PHC3: variants seen among roughly 807,000 people sequenced by gnomAD.
PHC3 encodes polyhomeotic homolog 3.
A neutral mutation model predicts 107.4 loss-of-function variants in PHC3; 13 were observed. The ratio of observed to expected loss-of-function variants is 0.12; its 90% CI spans 0.08 to 0.19. The LOEUF (loss-of-function observed/expected upper bound fraction) is 0.19. Ranked by LOEUF, PHC3 falls within the 10% of genes least tolerant of loss-of-function variation. The probability of loss-of-function intolerance (pLI) is 1.00; values close to 1 mark genes in which losing one functional copy is unlikely to be tolerated. For synonymous variants in PHC3, 456 were observed against 427.4 expected (o/e 1.07, Z -0.83); for missense variants, 992 against 1,210.9 (o/e 0.82, Z 2.68).
At chr3:170,162,285 C>G (rs923231914) in intron 4 of PHC3, among the ~76,000 whole-genome samples, 1 of 152,156 alleles carries the variant, frequency 6.6e-6, no homozygotes, top group African/African-American at 2.4e-5. Flanking sequence ...CCCACATGAA[C>G]TCCAAACTCA....
rs1316510738 is a variant in PHC3 at position 170,088,992 on chromosome 3, C to G, written c.*8238G>C. 6.6e-6 allele frequency: 1 copy of G among 152,116 alleles called. No individual in the cohort carries two copies. Among genetic ancestry groups the G allele is most frequent in the Non-Finnish European group, 1.5e-5 (1 of 68,048 alleles). 9.4% of individuals were successfully genotyped at this position (152,116 alleles called of 1,614,324 possible). ...TCCAGCCTGGCCAACATGGTGAAACCCCATCTCTACTAAAAATACAAAAAA... is the reference window on the plus strand; with the variant it reads ...TCCAGCCTGGCCAACATGGTGAAACGCCATCTCTACTAAAAATACAAAAAA... On this transcript the variant is annotated 3_prime_UTR_variant, in exon 15 of 15. Coordinates refer to ENST00000495893, the MANE Select transcript of PHC3 (RefSeq NM_024947.4).
At chr3:170,113,969 C>A (rs746496816) in intron 10 of PHC3, among the ~76,000 whole-genome samples, 1 of 151,908 alleles carries the variant, frequency 6.6e-6, no homozygotes, top group Admixed American at 6.6e-5. Flanking sequence ...TTAAGCAATT[C>A]TCTCTCAAGT....
Position 170,122,572 on chromosome 3 carries a change from A to C in PHC3, c.1942+19T>G. Reference sequence around the variant, plus strand: ...TTTATCAAATAGAAAAATTCCCACAAATTTTGGTATTTTCTCACCTAACAA... The same window carrying C: ...TTTATCAAATAGAAAAATTCCCACACATTTTGGTATTTTCTCACCTAACAA... On this transcript the variant is annotated intron_variant, in intron 9 of 14. Coordinates refer to ENST00000495893, the MANE Select transcript of PHC3 (RefSeq NM_024947.4). 1 of 1,611,776 alleles carries C rather than the reference A, an allele frequency of 6.2e-7. No individual in the cohort carries two copies. Among genetic ancestry groups the C allele is most frequent in the South Asian group, 1.1e-5 (1 of 90,998 alleles).
chr3:170,097,116 G>C lies in PHC3; in HGVS notation c.*114C>G, dbSNP rs983404399. The C allele has an allele frequency of 4.8e-5, 45 of 930,208 alleles. No individual in the cohort carries two copies. Among genetic ancestry groups the C allele is most frequent in the Non-Finnish European group, 6.7e-5 (44 of 652,446 alleles). The allele number at this position is 930,208 out of a possible 1,614,324, so 57.6% of individuals were successfully genotyped here. A position where few individuals can be genotyped will look rare whatever the true frequency, so the allele number is the denominator to read the frequency against. ...CAGTATTTGATGTGGAGATCCCAAT[G>C]TGCTTGGCTATCCACCACAATAAGT... On this transcript the variant is annotated 3_prime_UTR_variant, in exon 15 of 15. Coordinates refer to ENST00000495893, the MANE Select transcript of PHC3 (RefSeq NM_024947.4). The surrounding 1 kb of genome is among the most constrained non-coding windows in gnomAD (Gnocchi z 4.1).
rs1729814430 is a variant in PHC3 at position 170,172,794 on chromosome 3, C to A, written c.181-82G>T. ...AGAAAATCAAAGTATAAAAAAGTGG[C>A]AGTTTAAAATTTCACTGCTTTAATA... On this transcript the variant is annotated intron_variant, in intron 2 of 14. Coordinates refer to ENST00000495893, the MANE Select transcript of PHC3 (RefSeq NM_024947.4). 4.1e-6 allele frequency: 6 copies of A among 1,473,898 alleles called. No individual in the cohort carries two copies. The East Asian group carries it at 1.4e-4, about 34-fold the overall frequency. 91.3% of individuals were successfully genotyped at this position (1,473,898 alleles called of 1,614,324 possible).
At chr3:170,171,709 G>C (rs1729629922) in intron 3 of PHC3, among the ~76,000 whole-genome samples, 1 of 152,140 alleles carries the variant, frequency 6.6e-6, no homozygotes, top group South Asian at 2.1e-4. Flanking sequence ...ATGGGTCTCT[G>C]TCATCTTTAA....
chr3:170,180,133 TAAAAAAAAACCGAACAAAAA>T (rs1298787039), intron 1 of PHC3, among the ~76,000 whole-genome samples: 1 of 99,294 alleles, frequency 1.0e-5, no homozygotes, highest in African/African-American at 3.7e-5. Context: ...GAACCAAATG[TAAAAAAAAACCGAACAAAAA>T]AAAAAAAAAA....
intron 6 of PHC3, among the ~76,000 whole-genome samples, chr3:170,140,254 A>T (rs1181285599): frequency 6.7e-6 from 1 of 149,288 alleles, no homozygotes; most frequent in Non-Finnish European, 1.5e-5. Flanking sequence ...ACTGGGTCAG[A>T]TTTCTTTTTC....
At chr3:170,172,755 C>T in intron 2 of PHC3, 43 bp from the exon 3 acceptor site, 1 of 1,548,126 alleles carries the variant, frequency 6.5e-7, no homozygotes. Flanking sequence ...ATAATCTCAA[C>T]CTTTATCTTA....
intron 4 of PHC3, among the ~76,000 whole-genome samples, chr3:170,158,614 A>C (rs560888908): frequency 6.6e-6 from 1 of 151,444 alleles, no homozygotes; most frequent in Admixed American, 6.6e-5. Flanking sequence ...AAAAAGAAAA[A>C]TTTCAAAAAA....
At chr3:170,178,076 G>C (rs1288804508) in intron 2 of PHC3, among the ~76,000 whole-genome samples, 5 of 152,234 alleles carry the variant, frequency 3.3e-5, no homozygotes, top group African/African-American at 1.2e-4. Flanking sequence ...AGTGTTAAGA[G>C]GTAGGACCCC....
At position 170,163,461 on chromosome 3, in the gene PHC3, A is replaced by AAAGAGT. The variant is rs1172447246; in HGVS notation, c.414+7911_414+7912insACTCTT. ...GAAAATTCCCAAATATTTAGTAAAG[A>AAAGAGT]GTGTGTGTGTGTGTGTGTGTGTGTG... On this transcript the variant is annotated intron_variant, in intron 4 of 14. Transcript: ENST00000495893. 1.5e-3 allele frequency among the ~76,000 whole-genome samples: 223 copies of AAAGAGT among 146,312 alleles called. 1 individual carries two copies. The highest frequency in any genetic ancestry group is 5.3e-3 in the African/African-American group (209 of 39,372).
intron 8 of PHC3, among the ~76,000 whole-genome samples, chr3:170,128,139 T>C (rs943356097): frequency 6.6e-6 from 1 of 152,154 alleles, no homozygotes; most frequent in Non-Finnish European, 1.5e-5. Flanking sequence ...TCTCCTAGAA[T>C]AATTTTTTTT....
In PHC3 at chr3:170,165,139, C is replaced by A. The variant is rs548372118; in HGVS notation, c.414+6234G>T. Among the ~76,000 whole-genome samples, 11 of 152,212 alleles carry A rather than the reference C, an allele frequency of 7.2e-5. 1 individual carries two copies. Among genetic ancestry groups the A allele is most frequent in the South Asian group, 6.2e-4 (3 of 4,824 alleles). ...GCCTAGTGAGGAGCCAGAACTCCCACCCCAGCTTAGCAATTAAGAGGAACA... is the reference window on the plus strand; with the variant it reads ...GCCTAGTGAGGAGCCAGAACTCCCAACCCAGCTTAGCAATTAAGAGGAACA... On this transcript the variant is annotated intron_variant, in intron 4 of 14. Transcript: ENST00000495893.
chr3:170,163,668 G>C (rs1247945965), intron 4 of PHC3, among the ~76,000 whole-genome samples: 1 of 151,982 alleles, frequency 6.6e-6, no homozygotes, highest in African/African-American at 2.4e-5. Context: ...TTCAAGACCA[G>C]CCTGGCCAAC....
chr3:170,131,719 A>T (rs1722286814), intron 7 of PHC3, among the ~76,000 whole-genome samples: 1 of 152,126 alleles, frequency 6.6e-6, no homozygotes, highest in Non-Finnish European at 1.5e-5. Flanking sequence ...CTGTAATACC[A>T]GCTATTACTC....
chr3:170,095,605 A>C lies in PHC3; in HGVS notation c.*1625T>G, dbSNP rs1366945931. The C allele has an allele frequency of 6.6e-6, 1 of 151,888 alleles. No individual in the cohort carries two copies. The highest frequency in any genetic ancestry group is 1.5e-5 in the Non-Finnish European group (1 of 67,958). 9.4% of individuals were successfully genotyped at this position (151,888 alleles called of 1,614,324 possible). On this transcript the variant is annotated 3_prime_UTR_variant, in exon 15 of 15. Transcript: ENST00000495893. ...CAGTGAAAATGACTGAAACTCACGG[A>C]CTCTTTTTTTCCCCTCCTTACTCGA...
chr3:170,126,658 A>G lies in PHC3; in HGVS notation c.1788+2026T>C, dbSNP rs897765197. ...ACGGGTTCAAGCCATTCTTGTGCCT[A>G]TGTCTCCCAAGTAGCTGGGATTACA... On this transcript the variant is annotated intron_variant, in intron 8 of 14. Transcript: ENST00000495893. 6.0e-5 allele frequency among the ~76,000 whole-genome samples: 9 copies of G among 150,464 alleles called. No individual in the cohort carries two copies. In the East Asian group the frequency reaches 1.8e-3, roughly 30 times the overall value.
intron 5 of PHC3, among the ~76,000 whole-genome samples, chr3:170,145,730 G>T (rs1373706750): frequency 6.6e-6 from 1 of 152,160 alleles, no homozygotes; most frequent in East Asian, 1.9e-4. Flanking sequence ...AACAGCTCAT[G>T]ATTCTGATGA....
Sources: allele counts gnomAD v4.1 joint callset (sites outside exome capture counted in the v4.1 genomes callset), GRCh38; gene constraint gnomAD v4.1.1; non-coding constraint Gnocchi (gnomAD v3.1); transcripts MANE v1.5; gene names NCBI Gene and HGNC (gene_info 2026-07-23, HGNC 2026-07-21).